The following PLCB1 variants were observed in gnomAD, a reference collection of about 807,000 sequenced individuals.
PLCB1 encodes 1-phosphatidylinositol 4,5-bisphosphate phosphodiesterase beta-1.
Under a neutral mutation model 161.8 loss-of-function variants are expected in PLCB1, and 46 were observed. That is an observed-to-expected ratio of 0.28 (90% CI 0.22 to 0.36). The LOEUF is 0.36. PLCB1 is among the 10% of genes least tolerant of loss of function. PLCB1 has a pLI of 1.00. For missense variants in PLCB1, 1,016 were observed against 1,472.5 expected (o/e 0.69, Z 5.07); for synonymous variants, 517 against 503.7 (o/e 1.03, Z -0.35).
intron 31 of PLCB1, among the ~76,000 whole-genome samples, chr20:8,878,512 G>A (rs1987856547): frequency 6.6e-6 from 1 of 152,096 alleles, no homozygotes. Context: ...TGGAGAGTAG[G>A]GCCCTGTACA....
intron 31 of PLCB1, among the ~76,000 whole-genome samples, chr20:8,876,561 T>A (rs891625058): frequency 2.0e-5 from 3 of 152,144 alleles, no homozygotes; most frequent in Non-Finnish European, 4.4e-5. Context: ...GTTATAGCCA[T>A]AATACTGCTG....
chr20:8,578,356 T>C (rs1284429997), intron 3 of PLCB1, among the ~76,000 whole-genome samples: 1 of 152,198 alleles, frequency 6.6e-6, no homozygotes, highest in Non-Finnish European at 1.5e-5. Flanking sequence ...CAACAGTCCT[T>C]GATCTTTTAA....
At position 8,175,876 on chromosome 20, in the gene PLCB1, A is replaced by G. The variant is rs78371398; in HGVS notation, c.177+25505A>G. Among the ~76,000 whole-genome samples the G allele has an allele frequency of 6.1e-3, 922 of 152,330 alleles. 11 individuals carry two copies. The highest frequency in any genetic ancestry group is 0.021 in the African/African-American group (874 of 41,584). The stretch of plus-strand genomic sequence containing the variant: ...TAGAAAATGGGTAAAAGGTCTAAGT[A>G]GACAATCCACTAAAGAGGATACACA... On this transcript the variant is annotated intron_variant, in intron 2 of 31. Transcript: ENST00000338037.
intron 10 of PLCB1, among the ~76,000 whole-genome samples, chr20:8,693,774 G>A (rs4645062): frequency 0.076 from 11,506 of 152,200 alleles, 523 homozygotes; most frequent in African/African-American, 0.12. Context: ...TTCTATCCCT[G>A]GATGCCTTGG....
intron 2 of PLCB1, among the ~76,000 whole-genome samples, chr20:8,197,532 T>G (rs1262510823): frequency 1.3e-5 from 2 of 152,226 alleles, no homozygotes; most frequent in Non-Finnish European, 2.9e-5. Flanking sequence ...TAAATTTGTT[T>G]GAGTTCATTG....
intron 31 of PLCB1, among the ~76,000 whole-genome samples, chr20:8,825,760 A>G (rs1458117023): frequency 6.6e-6 from 1 of 152,212 alleles, no homozygotes; most frequent in African/African-American, 2.4e-5. Context: ...TAGAAGGGGC[A>G]AGCGGGTTGC....
chr20:8,808,521 A>C (rs1405732951), intron 31 of PLCB1, among the ~76,000 whole-genome samples: 2 of 152,226 alleles, frequency 1.3e-5, no homozygotes, highest in African/African-American at 4.8e-5. Flanking sequence ...GCTTTGATAT[A>C]TGAATTTGGG....
At position 8,802,126 on chromosome 20, in the gene PLCB1, C is replaced by T. The variant is rs561463567; in HGVS notation, c.3423+11865C>T. 24 of 1,612,210 alleles carry T rather than the reference C, an allele frequency of 1.5e-5. No homozygotes were observed. In the Admixed American group the frequency reaches 2.5e-4, roughly 17 times the overall value. On this transcript the variant is annotated intron_variant, in intron 31 of 31. Coordinates refer to ENST00000338037, the MANE Select transcript of PLCB1 (RefSeq NM_015192.4). Reference sequence around the variant, plus strand: ...CCCTCTGTTTCCCCCAACTTTACTCCCCCCAACCCTCAAGCTCTCAAGTGG... The same window carrying T: ...CCCTCTGTTTCCCCCAACTTTACTCTCCCCAACCCTCAAGCTCTCAAGTGG...
At chr20:8,780,840 A>G (rs1359003893) in intron 27 of PLCB1, among the ~76,000 whole-genome samples, 1 of 152,234 alleles carries the variant, frequency 6.6e-6, no homozygotes, top group African/African-American at 2.4e-5. Flanking sequence ...CACCTGTTCA[A>G]TGGAGATAAA....
At chr20:8,708,471 A>G (rs1052281111) in intron 11 of PLCB1, among the ~76,000 whole-genome samples, 199 bp from the exon 12 acceptor site, 3 of 152,156 alleles carry the variant, frequency 2.0e-5, no homozygotes, top group African/African-American at 4.8e-5. Flanking sequence ...CCAAAATCCA[A>G]TCTTCTTATA....
chr20:8,296,551 C>G (rs1412244612), intron 2 of PLCB1, among the ~76,000 whole-genome samples: 1 of 152,170 alleles, frequency 6.6e-6, no homozygotes, highest in East Asian at 1.9e-4. Flanking sequence ...TAGTTGTGAA[C>G]AGTTGTCTTG....
intron 3 of PLCB1, among the ~76,000 whole-genome samples, chr20:8,463,146 AGTGTGTGTGT>A (rs11472638): frequency 2.1e-5 from 3 of 144,678 alleles, no homozygotes; most frequent in Non-Finnish European, 4.5e-5. Context: ...AGTACAGAGC[AGTGTGTGTGT>A]GTGTGTGTGT....
rs148108236 is a variant in PLCB1, at chr20:8,643,620, A to G, written c.385-2482A>G. 1.5e-3 allele frequency among the ~76,000 whole-genome samples: 226 copies of G among 152,168 alleles called. 1 individual carries two copies. The highest frequency in any genetic ancestry group is 2.7e-3 in the Non-Finnish European group (186 of 68,002). ...CAACAAAAAAACAGGTGGCAAAGCA[A>G]TTAAACTAAAAGACATTATTTCACT... On this transcript the variant is annotated intron_variant, in intron 4 of 31. Transcript: ENST00000338037.
At chr20:8,759,959 G>A (rs929355367) in intron 24 of PLCB1, among the ~76,000 whole-genome samples, 2 of 139,412 alleles carry the variant, frequency 1.4e-5, no homozygotes, top group African/African-American at 5.5e-5. Flanking sequence ...AGGGTGGAGT[G>A]CAGTGGCATG....
At chr20:8,871,042 C>T (rs1987591169) in intron 31 of PLCB1, among the ~76,000 whole-genome samples, 1 of 152,152 alleles carries the variant, frequency 6.6e-6, no homozygotes, top group South Asian at 2.1e-4. Flanking sequence ...TGCATCTTAA[C>T]AAAATCCCCA....
chr20:8,658,316 A>G (rs1989522449), intron 8 of PLCB1, among the ~76,000 whole-genome samples: 1 of 152,166 alleles, frequency 6.6e-6, no homozygotes, highest in Non-Finnish European at 1.5e-5. Context: ...GTATTTTGCA[A>G]GAGCATTGGG....
intron 3 of PLCB1, among the ~76,000 whole-genome samples, chr20:8,613,739 T>C (rs1987967764): frequency 6.6e-6 from 1 of 152,148 alleles, no homozygotes; most frequent in African/African-American, 2.4e-5. Flanking sequence ...ATTTATAAAG[T>C]ATATAAAATG....
intron 3 of PLCB1, among the ~76,000 whole-genome samples, chr20:8,584,078 A>G (rs1986913030): frequency 6.6e-6 from 1 of 152,206 alleles, no homozygotes; most frequent in African/African-American, 2.4e-5. Context: ...TGCATTTGTA[A>G]ATTAACTACA....
chr20:8,864,090 A>G (rs891167325), intron 31 of PLCB1, among the ~76,000 whole-genome samples: 2 of 152,210 alleles, frequency 1.3e-5, no homozygotes, highest in East Asian at 3.8e-4. Context: ...TTTTCAAAAA[A>G]CAATTCAGAG....
Sources: gnomAD v4.1 joint callset for allele counts (sites outside exome capture counted in the v4.1 genomes callset) on GRCh38, gnomAD v4.1.1 for gene constraint, MANE v1.5 for transcripts, NCBI Gene and HGNC (gene_info 2026-07-23, HGNC 2026-07-21) for gene names.